PCGF5: variants seen among roughly 807,000 people sequenced by gnomAD.
PCGF5 encodes the protein polycomb group RING finger protein 5.
A neutral mutation model predicts 44.3 loss-of-function variants in PCGF5; 9 were observed. The ratio of observed to expected loss-of-function variants is 0.20; its 90% CI spans 0.12 to 0.35. The LOEUF is 0.35. Ranked by LOEUF, PCGF5 falls within the 10% of genes least tolerant of loss-of-function variation. The pLI is 1.00. For synonymous variants in PCGF5, 95 were observed against 102.5 expected (o/e 0.93, Z 0.44); for missense variants, 146 against 305.3 (o/e 0.48, Z 3.89).
At position 91,201,168 on chromosome 10, in the gene PCGF5, G is replaced by A. The variant is rs192310677; in HGVS notation, c.-183-21521G>A. Among the ~76,000 whole-genome samples the A allele has an allele frequency of 2.4e-4, 36 of 152,252 alleles. No individual in the cohort carries two copies. In the East Asian group the frequency reaches 6.2e-3, roughly 26 times the overall value. On this transcript the variant is annotated intron_variant, in intron 1 of 9. Transcript: ENST00000614189. ...TACCTGAGACTGGGCAATTTATAAA[G>A]GAAAGAAATGTATTGCTTACGTATC...
At chr10:91,270,617 C>T (rs906264858) in intron 8 of PCGF5, among the ~76,000 whole-genome samples, 26 of 152,184 alleles carry the variant, frequency 1.7e-4, no homozygotes, top group African/African-American at 5.3e-4. Flanking sequence ...TAAAGTATTT[C>T]GGGAAAATAG....
intron 6 of PCGF5, among the ~76,000 whole-genome samples, chr10:91,256,018 T>G (rs529866816): frequency 5.3e-5 from 8 of 152,190 alleles, no homozygotes; most frequent in Non-Finnish European, 1.0e-4. Context: ...TTTAAAAATA[T>G]TTTTGATCTG....
upstream of PCGF5, among the ~76,000 whole-genome samples, chr10:91,158,241 C>CA (rs1181713060): frequency 6.6e-6 from 1 of 152,118 alleles, no homozygotes; most frequent in Non-Finnish European, 1.5e-5. Context: ...CCAGCTGCCC[C>CA]AAAAATGTCT....
At position 91,238,601 on chromosome 10, in the gene PCGF5, CTTTTTTTTTTTT is replaced by C. The variant is rs71487496; in HGVS notation, c.113-1864_113-1853del. Among the ~76,000 whole-genome samples, 524 of 58,522 alleles carry C rather than the reference CTTTTTTTTTTTT, an allele frequency of 9.0e-3. 1 individual carries two copies. The highest frequency in any genetic ancestry group is 0.032 in the South Asian group (41 of 1,268). 38.4% of individuals were successfully genotyped at this position (58,522 alleles called of 152,430 possible). On this transcript the variant is annotated intron_variant, in intron 2 of 9. Transcript: ENST00000336126. ...CTCTCATTTCTTTCTTTCTTTCTTT[CTTTTTTTTTTTT>C]TTTTTTTTTTTTTTTTTTGCCTCTT...
intron 1 of PCGF5, among the ~76,000 whole-genome samples, chr10:91,190,526 G>A (rs552094889): frequency 9.9e-5 from 15 of 152,198 alleles, no homozygotes; most frequent in Non-Finnish European, 1.3e-4. Flanking sequence ...TGAATCATCT[G>A]TGATTCTGGA....
At chr10:91,264,989 C>T (rs1275520375) in intron 8 of PCGF5, among the ~76,000 whole-genome samples, 1 of 151,972 alleles carries the variant, frequency 6.6e-6, no homozygotes, top group Non-Finnish European at 1.5e-5. Context: ...TAAACTCGGA[C>T]TTAAGGGTAA....
intron 2 of PCGF5, among the ~76,000 whole-genome samples, chr10:91,225,272 A>G (rs1405826682): frequency 6.8e-6 from 1 of 147,840 alleles, no homozygotes; most frequent in Non-Finnish European, 1.5e-5. Flanking sequence ...TGTATATACG[A>G]TATATATCAT....
At position 91,194,039 on chromosome 10, in the gene PCGF5, T is replaced by C. The variant is rs7074269; in HGVS notation, c.-183-28650T>C. On this transcript the variant is annotated intron_variant, in intron 1 of 9. Transcript: ENST00000614189. ...GTTATCAACCAAGATGCAGAAAACTTTGGGTGGAGAGATCTGTGGTGGAGG... is the reference window on the plus strand; with the variant it reads ...GTTATCAACCAAGATGCAGAAAACTCTGGGTGGAGAGATCTGTGGTGGAGG... Among the ~76,000 whole-genome samples the C allele has an allele frequency of 9.0e-3, 1,364 of 152,068 alleles. 16 individuals carry two copies. The highest frequency in any genetic ancestry group is 0.031 in the African/African-American group (1,275 of 41,466).
At chr10:91,193,322 A>C (rs909795453) in intron 1 of PCGF5, among the ~76,000 whole-genome samples, 3 of 152,156 alleles carry the variant, frequency 2.0e-5, no homozygotes, top group Non-Finnish European at 4.4e-5. Flanking sequence ...GACCCAGCTC[A>C]GCCAAATTGT....
At chr10:91,222,400 C>G (rs916482314) in intron 1 of PCGF5, among the ~76,000 whole-genome samples, 2 of 152,040 alleles carry the variant, frequency 1.3e-5, no homozygotes, top group African/African-American at 4.8e-5. Flanking sequence ...AGCAGTCAAG[C>G]AGATAGTTAA....
chr10:91,175,630 T>TA (rs1420450712), intron 1 of PCGF5, among the ~76,000 whole-genome samples: 1 of 151,874 alleles, frequency 6.6e-6, no homozygotes, highest in Non-Finnish European at 1.5e-5. Context: ...AGGCCTTCAA[T>TA]AAAAAAGGCA....
chr10:91,162,118 C>G (rs1183414188), upstream of PCGF5, among the ~76,000 whole-genome samples: 2 of 151,948 alleles, frequency 1.3e-5, no homozygotes, highest in Non-Finnish European at 2.9e-5. Flanking sequence ...TGTCAAAGGA[C>G]AGACACATTT....
chr10:91,191,037 T>C (rs1844023361), intron 1 of PCGF5, among the ~76,000 whole-genome samples: 1 of 152,226 alleles, frequency 6.6e-6, no homozygotes, highest in African/African-American at 2.4e-5. Flanking sequence ...TTCTCCCTGA[T>C]CCACAGGGAA....
chr10:91,211,311 T>C (rs912946607), intron 1 of PCGF5, among the ~76,000 whole-genome samples: 9 of 152,220 alleles, frequency 5.9e-5, no homozygotes, highest in Admixed American at 2.6e-4. Context: ...AAGAATATTC[T>C]GGAAAGTTAG....
At chr10:91,237,701 G>A (rs936320674) in intron 2 of PCGF5, among the ~76,000 whole-genome samples, 3 of 151,668 alleles carry the variant, frequency 2.0e-5, no homozygotes, top group Non-Finnish European at 4.4e-5. Flanking sequence ...CCGAGATCGC[G>A]CCACTGCACT....
rs756298498 is a variant in PCGF5, at chr10:91,188,676, A to C, written c.-184+25595A>C. Among the ~76,000 whole-genome samples, 3 of 152,120 alleles carry C rather than the reference A, an allele frequency of 2.0e-5. No individual in the cohort carries two copies. In the East Asian group the frequency reaches 5.8e-4, roughly 29 times the overall value. On this transcript the variant is annotated intron_variant, in intron 1 of 9. Transcript: ENST00000614189. ...CACGTTCATTTCCTCACTGACCCTC[A>C]CTACCTCCCCTCTTGCCCCTTAGGA...
chr10:91,244,146 AAG>A (rs1261238045), intron 3 of PCGF5, among the ~76,000 whole-genome samples: 1 of 152,236 alleles, frequency 6.6e-6, no homozygotes, highest in Non-Finnish European at 1.5e-5. Context: ...AAAGGCAAGA[AAG>A]AGGAAAGTGT....
intron 7 of PCGF5, 108 bp downstream of exon 7, chr10:91,261,532 CT>C: frequency 8.1e-7 from 1 of 1,240,932 alleles, no homozygotes; most frequent in Non-Finnish European, 1.0e-6. Flanking sequence ...TTTGTGGAAA[CT>C]TTGATTATTT....
At chr10:91,199,295 C>T (rs1298405306) in intron 1 of PCGF5, among the ~76,000 whole-genome samples, 2 of 152,178 alleles carry the variant, frequency 1.3e-5, no homozygotes, top group Non-Finnish European at 2.9e-5. Context: ...AGGGAATGCC[C>T]TTTGAAGGGT....
Sources: gnomAD v4.1 joint callset for allele counts (sites outside exome capture counted in the v4.1 genomes callset) on GRCh38, gnomAD v4.1.1 for gene constraint, MANE v1.5 for transcripts, NCBI Gene and HGNC (gene_info 2026-07-23, HGNC 2026-07-21) for gene names.